The following SLCO4A1 variants were observed in gnomAD, a reference collection of about 807,000 sequenced individuals.
SLCO4A1 encodes the protein solute carrier organic anion transporter family member 4A1, also known as colon organic anion transporter.
Under a neutral mutation model 64.6 loss-of-function variants are expected in SLCO4A1, and 51 were observed. The observed-to-expected ratio is 0.79, with a 90% CI of 0.63 to 1.00. SLCO4A1 has a LOEUF of 1.00. Among genes scored for constraint, SLCO4A1 ranks in the 50% least tolerant of loss-of-function variants. The pLI, the probability that SLCO4A1 is intolerant of heterozygous loss-of-function variation, is 0.00. For synonymous variants in SLCO4A1, 471 were observed against 444.9 expected (o/e 1.06, Z -0.74); for missense variants, 919 against 980.5 (o/e 0.94, Z 0.84).
At chr20:62,673,015 C>A (rs530563906), downstream of SLCO4A1, among the ~76,000 whole-genome samples, 1 of 143,632 alleles carries the variant, frequency 7.0e-6, no homozygotes, top group Non-Finnish European at 1.6e-5. Context: ...CGGTCAAGAT[C>A]CCCCCCAAAT....
At chr20:62,682,699 G>C (rs571215597) in intron 2 of SLCO4A1, among the ~76,000 whole-genome samples, 39 of 152,296 alleles carry the variant, frequency 2.6e-4, no homozygotes, top group Non-Finnish European at 4.9e-4. Context: ...GTGTCCCGGT[G>C]AATGGGGGCT....
downstream of SLCO4A1, among the ~76,000 whole-genome samples, chr20:62,687,089 A>ACCCCCAAACAGGAGCGATGGAAAGGGCG (rs1988087359): frequency 7.1e-6 from 1 of 141,160 alleles, no homozygotes; most frequent in African/African-American, 2.8e-5. Flanking sequence ...TGGGAAGGGC[A>ACCCCCAAACAGGAGCGATGGAAAGGGCG]CCCCCAAACA....
chr20:62,658,549 C>T, intron 2 of SLCO4A1, 128 bp from the exon 3 acceptor site: 1 of 691,646 alleles, frequency 1.4e-6, no homozygotes, highest in South Asian at 1.7e-5. Flanking sequence ...TAAAGAGGCC[C>T]ATGAGGGGAG....
In SLCO4A1 at chr20:62,661,039, C is replaced by CCCCAGCA; in HGVS notation, c.1010-23_1010-22insCAGCACC. 3.7e-6 allele frequency: 5 copies of CCCCAGCA among 1,364,032 alleles called. No individual in the cohort carries two copies. Among genetic ancestry groups the CCCCAGCA allele is most frequent in the South Asian group, 1.2e-5 (1 of 85,968 alleles). 84.5% of individuals were successfully genotyped at this position (1,364,032 alleles called of 1,614,324 possible). On this transcript the variant is annotated intron_variant, in intron 4 of 11. Transcript: ENST00000217159. The surrounding 1 kb of genome is among the most constrained non-coding windows in gnomAD (Gnocchi z 5.2). The stretch of plus-strand genomic sequence containing the variant: ...CCTCCGGGAGCCCCCAGCCCCCAGC[C>CCCCAGCA]CCAGCTCACTCTGTGCCCTTCCAGG...
At chr20:62,665,115 T>G (rs753876324) in intron 6 of SLCO4A1, 27 bp downstream of exon 6, 1 of 1,589,842 alleles carries the variant, frequency 6.3e-7, no homozygotes, top group Non-Finnish European at 8.6e-7. Flanking sequence ...TTGGGGGTCC[T>G]CTGCTTTTAT....
intron 7 of SLCO4A1, 194 bp from the exon 8 acceptor site, chr20:62,667,551 G>GA: frequency 1.6e-6 from 1 of 637,984 alleles, no homozygotes; most frequent in Non-Finnish European, 2.7e-6. Flanking sequence ...GCGTGAGGAG[G>GA]AAAAACCATT....
chr20:62,663,846 G>A (rs966248354), intron 5 of SLCO4A1, among the ~76,000 whole-genome samples: 2 of 152,160 alleles, frequency 1.3e-5, no homozygotes, highest in Admixed American at 6.5e-5. Context: ...TGTCTGCCTC[G>A]ATCACTGCAC....
downstream of SLCO4A1, among the ~76,000 whole-genome samples, chr20:62,689,628 C>T (rs1393647709): frequency 6.6e-6 from 1 of 152,188 alleles, no homozygotes; most frequent in East Asian, 1.9e-4. Context: ...CTCCACCCCG[C>T]ATTGAGCCCC....
intron 9 of SLCO4A1, 130 bp from the exon 10 acceptor site, chr20:62,668,347 C>T (rs753141440): frequency 2.0e-5 from 25 of 1,260,084 alleles, no homozygotes; most frequent in South Asian, 1.2e-4. Flanking sequence ...TGATCTCTGA[C>T]GAGGGGCTTC....
At chr20:62,662,238 T>A (rs1985096499) in intron 5 of SLCO4A1, among the ~76,000 whole-genome samples, 1 of 152,078 alleles carries the variant, frequency 6.6e-6, no homozygotes, top group South Asian at 2.1e-4. Flanking sequence ...AGGACCCTGA[T>A]AGACCCCCCA....
In SLCO4A1 at chr20:62,681,495, C is replaced by T. The variant is rs549382177; in HGVS notation, n.212-3946C>T. Among the ~76,000 whole-genome samples the T allele has an allele frequency of 1.3e-4, 19 of 140,936 alleles. No individual in the cohort carries two copies. The East Asian group carries it at 3.9e-3, about 29-fold the overall frequency. The allele number at this position is 140,936 out of a possible 152,430, so 92.5% of individuals were successfully genotyped here. On this transcript the variant is annotated intron_variant and non_coding_transcript_variant, in intron 2 of 2. Coordinates refer to the SLCO4A1 transcript ENST00000466818. ...GTGTGTGTGTTAAGCTGTGTGTACA[C>T]ACTCATGTGTGCGCGTGTTTATTAA...
chr20:62,678,867 A>T (rs1275453455), intron 2 of SLCO4A1, among the ~76,000 whole-genome samples: 1 of 152,126 alleles, frequency 6.6e-6, no homozygotes, highest in Admixed American at 6.5e-5. Context: ...AGCTGCAGGG[A>T]TGGAGAGGAG....
At chr20:62,681,008 G>C (rs1222119661) in intron 2 of SLCO4A1, among the ~76,000 whole-genome samples, 1 of 152,104 alleles carries the variant, frequency 6.6e-6, no homozygotes, top group Non-Finnish European at 1.5e-5. Context: ...CAGGCTCAGG[G>C]CTCAGCTGAT....
rs1600703531 is a variant in SLCO4A1 at position 62,685,356 on chromosome 20, G to A, written n.212-85G>A. Reference sequence around the variant, plus strand: ...TCGGTGCCCAAGGGTGGGTTCGTGGGGCAACTGCACCCGCTCCCTTCCACT... The same window carrying A: ...TCGGTGCCCAAGGGTGGGTTCGTGGAGCAACTGCACCCGCTCCCTTCCACT... On this transcript the variant is annotated intron_variant and non_coding_transcript_variant, in intron 2 of 2. Transcript: ENST00000466818. The surrounding 1 kb of genome is among the most constrained non-coding windows in gnomAD (Gnocchi z 4.6). The A allele has an allele frequency of 9.5e-6, 7 of 739,982 alleles. No homozygotes were observed. The highest frequency in any genetic ancestry group is 1.2e-5 in the Non-Finnish European group (7 of 605,748). 45.8% of individuals were successfully genotyped at this position (739,982 alleles called of 1,614,324 possible).
chr20:62,670,289 G>A (rs540357040), intron 11 of SLCO4A1: 1 of 152,354 alleles, frequency 6.6e-6, no homozygotes, highest in South Asian at 2.1e-4. Flanking sequence ...TGAGCATCAG[G>A]AAATTGACCA....
At position 62,661,041 on chromosome 20, in the gene SLCO4A1, C is replaced by CCCCCCCCCCCCCCCCAACCAA; in HGVS notation, c.1010-23_1010-22insCCCCCCCCCCCCCCCAACCAA. On this transcript the variant is annotated intron_variant, in intron 4 of 11. Coordinates refer to ENST00000217159, the MANE Select transcript of SLCO4A1 (RefSeq NM_016354.4). This position sits in a 1 kb window ranked among gnomAD's most constrained non-coding sequence, Gnocchi z 5.2. ...TCCGGGAGCCCCCAGCCCCCAGCCCCAGCTCACTCTGTGCCCTTCCAGGCT... is the reference window on the plus strand; with the variant it reads ...TCCGGGAGCCCCCAGCCCCCAGCCCCCCCCCCCCCCCCCCCAACCAAAGCTCACTCTGTGCCCTTCCAGGCT... 1 of 1,424,144 alleles carries CCCCCCCCCCCCCCCCAACCAA rather than the reference C, an allele frequency of 7.0e-7. No individual in the cohort carries two copies. Among genetic ancestry groups the CCCCCCCCCCCCCCCCAACCAA allele is most frequent in the Non-Finnish European group, 9.9e-7 (1 of 1,010,142 alleles). The allele number at this position is 1,424,144 out of a possible 1,614,324, so 88.2% of individuals were successfully genotyped here.
chr20:62,660,781 G>A (rs552152033), intron 4 of SLCO4A1, among the ~76,000 whole-genome samples: 32 of 152,260 alleles, frequency 2.1e-4, no homozygotes, highest in Non-Finnish European at 3.5e-4. Flanking sequence ...CTCAGGCCAC[G>A]GAACAGGCTT....
chr20:62,680,997 C>T (rs60984711), intron 2 of SLCO4A1, among the ~76,000 whole-genome samples: 14,068 of 152,150 alleles, frequency 0.092, 784 homozygotes, highest in African/African-American at 0.15. Context: ...CTCAACCTCC[C>T]CAGGCTCAGG....
At chr20:62,652,072 C>T (rs1270961639) in intron 1 of SLCO4A1, 5 of 147,464 alleles carry the variant, frequency 3.4e-5, no homozygotes, top group African/African-American at 1.2e-4. Context: ...CCGCTCGGCC[C>T]CCCTCCCCGT....
Sources: allele counts gnomAD v4.1 joint callset (sites outside exome capture counted in the v4.1 genomes callset), GRCh38; gene constraint gnomAD v4.1.1; non-coding constraint Gnocchi (gnomAD v3.1); transcripts MANE v1.5; gene names NCBI Gene and HGNC (gene_info 2026-07-23, HGNC 2026-07-21).